Variants in CDH23 observed in about 807,000 individuals in gnomAD.
CDH23 encodes cadherin-23.
CDH23 carries 189 observed loss-of-function variants against 317.1 expected under a neutral mutation model. The observed-to-expected ratio is 0.60, with a 90% confidence interval of 0.53 to 0.67. The LOEUF is 0.67. CDH23 is among the 30% of genes least tolerant of loss of function. CDH23 has a pLI of 0.00. For missense variants in CDH23, 4,401 were observed against 4,592.4 expected (o/e 0.96, Z 1.20); for synonymous variants, 1,839 against 1,876.8 (o/e 0.98, Z 0.52).
At position 71,811,330 on chromosome 10, in the gene CDH23, C is replaced by G. The variant is rs1841916074; in HGVS notation, c.9093C>G (p.Ile3031Met). ...ILDVDRVIQM[I>M]DENKEQLRNL... ...CCTCGCCCAGGGTGATCCAGATGAT[C>G]GATGAGAACAAGGAGCAGCTACGGA... Residue 3031 changes from isoleucine to methionine, a missense_variant, in exon 63 of 70, where the codon ATC becomes ATG. Physicochemically the swap from Ile to Met is conservative, Grantham distance 10 (BLOSUM62 1). Coordinates refer to ENST00000224721, the MANE Select transcript of CDH23 (RefSeq NM_022124.6). 2 of 1,613,782 alleles carry G rather than the reference C, an allele frequency of 1.2e-6. No individual in the cohort carries two copies. The highest frequency in any genetic ancestry group is 1.7e-6 in the Non-Finnish European group (2 of 1,179,852).
Position 71,807,290 on chromosome 10 carries a change from A to C in CDH23, c.8192A>C (p.Gln2731Pro), listed in dbSNP as rs770473189. ...CTCCCTCTGCAGAAAGGCAGCCCCC[A>C]GTACCAGCTGCTGACAGTGCCTGAG... is the stretch of plus-strand genomic sequence containing the variant. ...LFVRPPKGSP[Q>P]YQLLTVPEHS... The change falls in exon 58 of 70, where the codon CAG (glutamine) becomes CCG (proline). Residue 2731 changes from glutamine (Q) to proline (P), a missense_variant. Gln to Pro is a moderately conservative substitution (Grantham distance 76, BLOSUM62 -1). Coordinates refer to ENST00000224721, the MANE Select transcript of CDH23 (RefSeq NM_022124.6). The C allele has an allele frequency of 1.2e-6, 2 of 1,613,736 alleles. No homozygotes were observed. The highest frequency in any genetic ancestry group is 3.3e-5 in the Admixed American group (2 of 60,004).
chr10:71,696,949 G>A (rs1348599895), intron 22 of CDH23, among the ~76,000 whole-genome samples: 2 of 152,194 alleles, frequency 1.3e-5, no homozygotes, highest in Admixed American at 1.3e-4. Context: ...ACCCCAGCCA[G>A]GGATTCCAAG....
chr10:71,741,804 C>A lies in CDH23; in HGVS notation c.4728C>A (p.Phe1576Leu). Residue 1576 changes from phenylalanine (F) to leucine (L), a missense_variant, in exon 38 of 70, where the codon TTC becomes TTA. By Grantham distance (22) the Phe-to-Leu change is conservative. This residue lies in a region of CDH23 where 3,068 missense variants were observed against 3,203.3 expected (regional missense o/e 0.96). Transcript: ENST00000224721. ...CCGAGGGCAACAAGGACATGGCCTT[C>A]CGCATGGACCGCATCAGCGGTGAGA... is the stretch of plus-strand genomic sequence containing the variant. ...YITEGNKDMA[F>L]RMDRISGEIA... is the part of the protein sequence containing the mutation. 1 of 1,612,264 alleles carries A rather than the reference C, an allele frequency of 6.2e-7. No individual in the cohort carries two copies. The highest frequency in any genetic ancestry group is 2.2e-5 in the East Asian group (1 of 44,834).
At chr10:71,409,202 G>A (rs1343526544) in intron 1 of CDH23, among the ~76,000 whole-genome samples, 3 of 152,198 alleles carry the variant, frequency 2.0e-5, no homozygotes, top group Non-Finnish European at 4.4e-5. Context: ...GATGTAAGGG[G>A]CAGGGGATTC....
At chr10:71,699,171 A>G (rs1007983201) in intron 22 of CDH23, among the ~76,000 whole-genome samples, 7 of 152,206 alleles carry the variant, frequency 4.6e-5, no homozygotes, top group African/African-American at 1.7e-4. Flanking sequence ...TTCCAGGCAC[A>G]TTGTAGGTGT....
Position 71,777,836 on chromosome 10 carries a change from G to A in CDH23, c.5002G>A (p.Gly1668Ser), listed in dbSNP as rs781280613. 36 of 1,613,890 alleles carry A rather than the reference G, an allele frequency of 2.2e-5. 1 individual carries two copies. The highest frequency in any genetic ancestry group is 2.0e-4 in the East Asian group (9 of 44,868). ...QALDLDEGPN[G>S]TVTYAIVAGN... is the part of the protein sequence containing the mutation. Reference sequence around the variant, plus strand: ...ACTGGACCTGGATGAGGGTCCCAACGGCACAGTCACCTATGCCATCGTCGC... The same window carrying A: ...ACTGGACCTGGATGAGGGTCCCAACAGCACAGTCACCTATGCCATCGTCGC... Residue 1668 changes from glycine (G) to serine (S), a missense_variant, in exon 39 of 70, where the codon GGC becomes AGC. Around this residue, in one of 3 missense-constraint regions of CDH23, gnomAD observed 3,068 missense variants for 3,203.3 expected, o/e 0.96. Coordinates refer to ENST00000224721, the MANE Select transcript of CDH23 (RefSeq NM_022124.6).
intron 9 of CDH23, among the ~76,000 whole-genome samples, chr10:71,611,680 C>T (rs557881002): frequency 6.6e-6 from 1 of 152,324 alleles, no homozygotes; most frequent in East Asian, 1.9e-4. Context: ...AAGTAGCAGA[C>T]CCATGATTTG....
In CDH23 at chr10:71,439,052, G is replaced by C. The variant is rs866420947; in HGVS notation, c.-5-775G>C. 9.9e-5 allele frequency among the ~76,000 whole-genome samples: 15 copies of C among 152,236 alleles called. No individual in the cohort carries two copies. The Middle Eastern group carries it at 0.01, about 104-fold the overall frequency. ...CAGAGTGGGGACTGTTGCCATATGG[G>C]AGAGAGCTGTCTACCCTCCCAGCCA... On this transcript the variant is annotated intron_variant, in intron 1 of 69. Transcript: ENST00000224721.
chr10:71,483,470 C>G (rs1218851063), intron 3 of CDH23, among the ~76,000 whole-genome samples: 1 of 152,174 alleles, frequency 6.6e-6, no homozygotes, highest in Non-Finnish European at 1.5e-5. Flanking sequence ...TCATCTTGCT[C>G]CTCACTTTGC....
intron 69 of CDH23, among the ~76,000 whole-genome samples, chr10:71,814,415 T>TA (rs1489791114): frequency 6.6e-6 from 1 of 152,064 alleles, no homozygotes; most frequent in Non-Finnish European, 1.5e-5. Context: ...ACCCTGTCTC[T>TA]AAATAAATAA....
At chr10:71,586,708 CT>C (rs1859092700) in intron 9 of CDH23, among the ~76,000 whole-genome samples, 1 of 152,194 alleles carries the variant, frequency 6.6e-6, no homozygotes, top group Non-Finnish European at 1.5e-5. Flanking sequence ...ATCCTGCATT[CT>C]CTTATTCTCT....
At chr10:71,777,303 A>C (rs1186472634) in intron 38 of CDH23, among the ~76,000 whole-genome samples, 1 of 152,186 alleles carries the variant, frequency 6.6e-6, no homozygotes, top group Non-Finnish European at 1.5e-5. Flanking sequence ...GGCCCTCGTA[A>C]AGCTCTGAGC....
chr10:71,652,953 G>A (rs1863246667), intron 14 of CDH23, among the ~76,000 whole-genome samples: 1 of 152,188 alleles, frequency 6.6e-6, no homozygotes, highest in Non-Finnish European at 1.5e-5. Context: ...CATTCTTGCT[G>A]TTTAGTTTCA....
chr10:71,617,417 A>C, intron 11 of CDH23, 24 bp downstream of exon 11: 1 of 1,609,576 alleles, frequency 6.2e-7, no homozygotes, highest in East Asian at 2.2e-5. Context: ...CACATGGCCC[A>C]TGCAGACCCA....
rs776354402 is a variant in CDH23 at position 71,566,806 on chromosome 10, G to A, written c.494G>A (p.Gly165Asp). The change falls in exon 7 of 70, where the codon GGC (glycine) becomes GAC (aspartate). Residue 165 changes from glycine (G) to aspartate (D), a missense_variant. By Grantham distance (94) the Gly-to-Asp change is moderately conservative (BLOSUM62 -1). This residue lies in a region of CDH23 where 3,068 missense variants were observed against 3,203.3 expected (regional missense o/e 0.96). Coordinates refer to ENST00000224721, the MANE Select transcript of CDH23 (RefSeq NM_022124.6). Reference sequence around the variant, plus strand: ...ACAGACCCCGACTTGGGGGCAGGGGGCAGCGTCCTCTACTCCTTCCAGCCC... The same window carrying A: ...ACAGACCCCGACTTGGGGGCAGGGGACAGCGTCCTCTACTCCTTCCAGCCC... ...NATDPDLGAG[G>D]SVLYSFQPPS... 6.2e-7 allele frequency: 1 copy of A among 1,613,694 alleles called. No homozygotes were observed. The highest frequency in any genetic ancestry group is 8.5e-7 in the Non-Finnish European group (1 of 1,179,638).
chr10:71,537,281 A>C (rs1425392258), intron 6 of CDH23, among the ~76,000 whole-genome samples: 1 of 152,202 alleles, frequency 6.6e-6, no homozygotes, highest in Non-Finnish European at 1.5e-5. Flanking sequence ...TTCGGAGCCA[A>C]ATCATAACGA....
At chr10:71,523,598 G>A (rs1336286445) in intron 6 of CDH23, among the ~76,000 whole-genome samples, 2 of 152,156 alleles carry the variant, frequency 1.3e-5, no homozygotes, top group Non-Finnish European at 2.9e-5. Flanking sequence ...GCAGCCGGGG[G>A]GAAATAAATA....
chr10:71,564,312 A>G (rs976644150), intron 6 of CDH23, among the ~76,000 whole-genome samples: 1 of 152,200 alleles, frequency 6.6e-6, no homozygotes, highest in South Asian at 2.1e-4. Context: ...TACTTCCCTG[A>G]TAGAGCATGG....
intron 1 of CDH23, among the ~76,000 whole-genome samples, chr10:71,420,557 TG>T (rs1368598471): frequency 7.6e-6 from 1 of 131,068 alleles, no homozygotes; most frequent in Non-Finnish European, 1.6e-5. Flanking sequence ...GATATGATGA[TG>T]GTGATGATGA....
Sources: gnomAD v4.1 joint callset for allele counts (sites outside exome capture counted in the v4.1 genomes callset) on GRCh38, gnomAD v4.1.1 for gene constraint, gnomAD v4.1.1 regional missense constraint, MANE v1.5 for transcripts, NCBI Gene and HGNC (gene_info 2026-07-23, HGNC 2026-07-21) for gene names.